Variants in SORCS2 observed in about 807,000 individuals in gnomAD.
The protein encoded by SORCS2 is sortilin related VPS10 domain containing receptor 2.
SORCS2 carries 100 observed loss-of-function variants against 141.6 expected under a neutral mutation model. The observed-to-expected ratio is 0.71, with a 90% CI of 0.60 to 0.83. SORCS2 has a LOEUF of 0.83. SORCS2 is among the 40% of genes least tolerant of loss of function. The pLI, the probability that SORCS2 is intolerant of heterozygous loss-of-function variation, is 0.00. For synonymous variants in SORCS2, 789 were observed against 676.9 expected (o/e 1.17, Z -2.57); for missense variants, 1,646 against 1,560.2 (o/e 1.05, Z -0.93).
chr4:7,470,675 A>C (rs1247217291), intron 2 of SORCS2, among the ~76,000 whole-genome samples: 2 of 152,196 alleles, frequency 1.3e-5, no homozygotes, highest in Non-Finnish European at 2.9e-5. Context: ...GATTGGAGAG[A>C]CAGGGCTCGG....
Position 7,447,017 on chromosome 4 carries a change from C to T in SORCS2, c.548+50662C>T, listed in dbSNP as rs148588379. On this transcript the variant is annotated intron_variant, in intron 2 of 26. Coordinates refer to ENST00000507866, the MANE Select transcript of SORCS2 (RefSeq NM_020777.3). The stretch of plus-strand genomic sequence containing the variant: ...TCACCCCACTGTGCTGAGATACATC[C>T]GGGGCTGGCTCTCCCAGCACAGAGA... Among the ~76,000 whole-genome samples, 595 of 152,342 alleles carry T rather than the reference C, an allele frequency of 3.9e-3. 2 individuals are homozygous for T. Among genetic ancestry groups the T allele is most frequent in the African/African-American group, 0.013 (561 of 41,584 alleles).
intron 3 of SORCS2, among the ~76,000 whole-genome samples, chr4:7,594,136 A>T (rs1470221336): frequency 1.3e-5 from 2 of 152,188 alleles, no homozygotes; most frequent in Admixed American, 1.3e-4. Context: ...AACACAGTGA[A>T]GGGTGGACTA....
chr4:7,344,611 A>C (rs1230384961), intron 1 of SORCS2, among the ~76,000 whole-genome samples: 1 of 152,204 alleles, frequency 6.6e-6, no homozygotes, highest in Non-Finnish European at 1.5e-5. Context: ...AGGATAGGGC[A>C]GTTTGAGCAG....
intron 4 of SORCS2, among the ~76,000 whole-genome samples, chr4:7,638,863 A>C (rs1309088117): frequency 6.6e-6 from 1 of 152,170 alleles, no homozygotes; most frequent in Admixed American, 6.5e-5. Context: ...GCACACCCTC[A>C]TCAGACCTCA....
At chr4:7,307,323 A>G (rs1717898245) in intron 1 of SORCS2, among the ~76,000 whole-genome samples, 2 of 152,262 alleles carry the variant, frequency 1.3e-5, no homozygotes. Context: ...AGCCACCTGG[A>G]AGTTCCTTTC....
intron 3 of SORCS2, among the ~76,000 whole-genome samples, chr4:7,551,357 G>A (rs1187415157): frequency 6.6e-6 from 1 of 152,142 alleles, no homozygotes. Context: ...GCTCCCTTGT[G>A]CTACTGTAGA....
intron 26 of SORCS2, among the ~76,000 whole-genome samples, chr4:7,738,549 C>G (rs945223220): frequency 4.6e-5 from 7 of 152,180 alleles, no homozygotes; most frequent in African/African-American, 2.4e-5. Context: ...ACACCTCTCA[C>G]CGTTGCTGCG....
chr4:7,362,479 AG>A (rs1291750340), intron 1 of SORCS2, among the ~76,000 whole-genome samples: 1 of 152,124 alleles, frequency 6.6e-6, no homozygotes, highest in Non-Finnish European at 1.5e-5. Context: ...ATCCATTGCT[AG>A]GCACTCACTG....
intron 1 of SORCS2, among the ~76,000 whole-genome samples, chr4:7,327,834 C>A (rs1475410034): frequency 6.7e-6 from 1 of 148,344 alleles, no homozygotes; most frequent in East Asian, 2.0e-4. Flanking sequence ...GGCAACGTTG[C>A]TTTGGCTGCT....
At chr4:7,690,638 C>T (rs1365408578) in intron 11 of SORCS2, among the ~76,000 whole-genome samples, 3 of 151,010 alleles carry the variant, frequency 2.0e-5, no homozygotes, top group East Asian at 3.9e-4. Flanking sequence ...GGATGATAGA[C>T]GGATGATGGG....
At chr4:7,511,099 G>A (rs1477482283) in intron 2 of SORCS2, among the ~76,000 whole-genome samples, 1 of 152,134 alleles carries the variant, frequency 6.6e-6, no homozygotes, top group African/African-American at 2.4e-5. Flanking sequence ...GGGAGAGAAT[G>A]GCTCACACAG....
chr4:7,236,349 C>G (rs1001647398), intron 1 of SORCS2, among the ~76,000 whole-genome samples: 2 of 152,114 alleles, frequency 1.3e-5, no homozygotes, highest in African/African-American at 4.8e-5. Flanking sequence ...GCAGAACGGC[C>G]AGTGCAGGGG....
At position 7,703,612 on chromosome 4, in the gene SORCS2, A is replaced by G. The variant is rs1399250725; in HGVS notation, c.1760+241A>G. On this transcript the variant is annotated intron_variant, in intron 13 of 26. Transcript: ENST00000507866. ...CAGGCACAGAGGGAGGCCCCACCCCAGCCTGGGGAGCAGGGAGGGCCTTCC... is the reference window on the plus strand; with the variant it reads ...CAGGCACAGAGGGAGGCCCCACCCCGGCCTGGGGAGCAGGGAGGGCCTTCC... Among the ~76,000 whole-genome samples, 3 of 152,240 alleles carry G rather than the reference A, an allele frequency of 2.0e-5. No individual in the cohort carries two copies. The East Asian group carries it at 5.8e-4, about 30-fold the overall frequency.
chr4:7,218,268 C>T (rs1029107230), intron 1 of SORCS2, among the ~76,000 whole-genome samples: 3 of 152,210 alleles, frequency 2.0e-5, no homozygotes, highest in East Asian at 1.9e-4. Flanking sequence ...TTGTCACCTC[C>T]TATTTGTGCT....
At chr4:7,410,524 T>A (rs576198702) in intron 2 of SORCS2, among the ~76,000 whole-genome samples, 2 of 152,340 alleles carry the variant, frequency 1.3e-5, no homozygotes, top group Admixed American at 1.3e-4. Context: ...TGGGCTCTTA[T>A]GAAGATGACA....
chr4:7,475,975 G>A (rs1391796972), intron 2 of SORCS2, among the ~76,000 whole-genome samples: 1 of 152,222 alleles, frequency 6.6e-6, no homozygotes, highest in East Asian at 1.9e-4. Flanking sequence ...GGGGCTGGGG[G>A]CTTCCCTCGG....
rs1720107426 is a variant in SORCS2, at chr4:7,338,126, G to GATGTCGGTTGC, written c.481-58159_481-58158insTCGGTTGCATG. On this transcript the variant is annotated intron_variant, in intron 1 of 26. Transcript: ENST00000507866. ...TGGATGGATGTTGGATGGATGGATG[G>GATGTCGGTTGC]ATGGATGGATGTTGGTTGCATGGAT... is the stretch of plus-strand genomic sequence containing the variant. Among the ~76,000 whole-genome samples the GATGTCGGTTGC allele has an allele frequency of 3.9e-5, 6 of 151,934 alleles. 1 individual carries two copies. Among genetic ancestry groups the GATGTCGGTTGC allele is most frequent in the Non-Finnish European group, 2.9e-5 (2 of 67,962 alleles).
At chr4:7,511,070 G>A (rs975752526) in intron 2 of SORCS2, among the ~76,000 whole-genome samples, 2 of 152,118 alleles carry the variant, frequency 1.3e-5, no homozygotes, top group Non-Finnish European at 2.9e-5. Flanking sequence ...ACTATCTCAG[G>A]GCGGAAGAGG....
chr4:7,321,429 G>T (rs1718886689), intron 1 of SORCS2, among the ~76,000 whole-genome samples: 1 of 152,144 alleles, frequency 6.6e-6, no homozygotes, highest in Non-Finnish European at 1.5e-5. Context: ...TGAAGTCTCA[G>T]GTTATAAAAC....
Sources: allele counts gnomAD v4.1 joint callset (sites outside exome capture counted in the v4.1 genomes callset), GRCh38; gene constraint gnomAD v4.1.1; transcripts MANE v1.5; gene names NCBI Gene and HGNC (gene_info 2026-07-23, HGNC 2026-07-21).